IL4I1: variants seen among roughly 807,000 people sequenced by gnomAD.
The protein encoded by IL4I1 is L-amino-acid oxidase.
In IL4I1, 24 loss-of-function variants were observed where a neutral mutation model predicts 29.7. The observed-to-expected ratio is 0.81, with a 90% CI of 0.59 to 1.14. The LOEUF (loss-of-function observed/expected upper bound fraction) is 1.14, where lower values mean the gene tolerates loss of function less well. Ranked by LOEUF, IL4I1 falls within the 50% of genes most tolerant of loss-of-function variation. IL4I1 has a pLI of 0.00. For missense variants in IL4I1, 686 were observed against 785.6 expected, an observed-to-expected ratio of 0.87 and a Z score of 1.52; for synonymous variants, 371 against 352.5, an observed-to-expected ratio of 1.05 and a Z score of -0.59.
intron 2 of IL4I1, among the ~76,000 whole-genome samples, chr19:49,912,535 A>ACCCATACTGATCCAGCCC (rs2075497090): frequency 6.6e-6 from 1 of 151,652 alleles, no homozygotes; most frequent in Non-Finnish European, 1.5e-5. Context: ...TCTATTCACA[A>ACCCATACTGATCCAGCCC]TGGTGAACCC....
chr19:49,896,643 A>G (rs2075214853), intron 1 of IL4I1, among the ~76,000 whole-genome samples, 192 bp downstream of exon 1: 1 of 152,116 alleles, frequency 6.6e-6, no homozygotes, highest in Non-Finnish European at 1.5e-5. Flanking sequence ...CATGTTGGCC[A>G]GGCTGGTCTC....
chr19:49,909,158 G>T (rs752431497), intron 2 of IL4I1: 20 of 1,613,486 alleles, frequency 1.2e-5, no homozygotes, highest in Non-Finnish European at 1.7e-5. Flanking sequence ...GCTGGGCCCA[G>T]TGCTGGTGAT....
intron 1 of IL4I1, chr19:49,929,246 C>A (rs976004899): frequency 6.5e-6 from 1 of 153,524 alleles, no homozygotes; most frequent in East Asian, 1.9e-4. Flanking sequence ...ACTACAGTGT[C>A]GCCGCCTCTG....
At chr19:49,913,546 G>A (rs58302984) in intron 2 of IL4I1, among the ~76,000 whole-genome samples, 5,867 of 152,304 alleles carry the variant, frequency 0.039, 189 homozygotes, top group African/African-American at 0.083. Context: ...CCACTGCTCC[G>A]TAAGCGTTAC....
intron 3 of IL4I1, among the ~76,000 whole-genome samples, chr19:49,903,724 A>G (rs968523787): frequency 1.3e-5 from 2 of 151,760 alleles, no homozygotes; most frequent in Non-Finnish European, 2.9e-5. Flanking sequence ...CAAGCCACTC[A>G]TTACTAAAAA....
intron 2 of IL4I1, among the ~76,000 whole-genome samples, chr19:49,919,683 G>A (rs563024127): frequency 6.6e-6 from 1 of 152,240 alleles, no homozygotes; most frequent in Admixed American, 6.5e-5. Flanking sequence ...AGCTCTGGTC[G>A]CAGGACCAAC....
At chr19:49,913,556 C>T (rs1364152006) in intron 2 of IL4I1, among the ~76,000 whole-genome samples, 1 of 152,370 alleles carries the variant, frequency 6.6e-6, no homozygotes, top group South Asian at 2.1e-4. Flanking sequence ...GTAAGCGTTA[C>T]CACACGCTGT....
In IL4I1 at chr19:49,914,726, G is replaced by GTTTTTTTTTTT. The variant is rs530372497; in HGVS notation, c.-227-10416_-227-10406dup. Among the ~76,000 whole-genome samples the GTTTTTTTTTTT allele has an allele frequency of 3.2e-3, 180 of 56,394 alleles. 33 individuals carry two copies. The highest frequency in any genetic ancestry group is 4.0e-3 in the Non-Finnish European group (125 of 31,320). 37.0% of individuals were successfully genotyped at this position (56,394 alleles called of 152,430 possible). Reference sequence around the variant, plus strand: ...GATTCTTGTGCCACTCCAAGTCCCAGTTTTTTTTTTTTTTTTTTTTTTTTT... The same window carrying GTTTTTTTTTTT: ...GATTCTTGTGCCACTCCAAGTCCCAGTTTTTTTTTTTTTTTTTTTTTTTTTTTTTTTTTTTT... On this transcript the variant is annotated intron_variant, in intron 2 of 9. Transcript: ENST00000341114.
intron 5 of IL4I1, among the ~76,000 whole-genome samples, chr19:49,891,845 C>T (rs1185537564): frequency 2.6e-5 from 4 of 152,170 alleles, no homozygotes; most frequent in Non-Finnish European, 4.4e-5. Context: ...GGGTCCCAGG[C>T]GTGCTGTGTC....
At chr19:49,907,910 G>A (rs933998689) in intron 2 of IL4I1, 6 of 443,632 alleles carry the variant, frequency 1.4e-5, no homozygotes, top group East Asian at 4.8e-5. Context: ...CTGCCCCCAC[G>A]ACCCTGGCTG....
At chr19:49,915,711 T>C (rs1322638219) in intron 2 of IL4I1, among the ~76,000 whole-genome samples, 1 of 152,228 alleles carries the variant, frequency 6.6e-6, no homozygotes, top group African/African-American at 2.4e-5. Flanking sequence ...GGGGCAGGTC[T>C]GCCCTTGTGC....
rs571028548 is a variant in IL4I1, at chr19:49,891,328, C to T, written c.636+77G>A. 8 of 1,528,968 alleles carry T rather than the reference C, an allele frequency of 5.2e-6. No individual in the cohort carries two copies. In the African/African-American group the frequency reaches 1.1e-4, roughly 21 times the overall value. The allele number at this position is 1,528,968 out of a possible 1,614,324, so 94.7% of individuals were successfully genotyped here. A position where few individuals can be genotyped will look rare whatever the true frequency, so the allele number is the denominator to read the frequency against. On this transcript the variant is annotated intron_variant, in intron 6 of 7. Coordinates refer to ENST00000391826, the MANE Select transcript of IL4I1 (RefSeq NM_152899.2). ...GCAGGACTAGGGTGCCAGGTACCCG[C>T]CTTCTGACTCTCTGGGGAAGGCCTC...
chr19:49,895,029 T>A (rs769960651), intron 4 of IL4I1, 39 bp downstream of exon 4: 20 of 1,512,324 alleles, frequency 1.3e-5, no homozygotes, highest in South Asian at 1.2e-4. Context: ...GGGGGGCTAG[T>A]TGAGTCTAGG....
intron 2 of IL4I1, chr19:49,907,792 A>T (rs1299229010): frequency 9.3e-5 from 31 of 333,242 alleles, no homozygotes; most frequent in Non-Finnish European, 1.6e-4. Context: ...CGCCTTGGCC[A>T]CCCAAAGTGC....
intron 2 of IL4I1, chr19:49,908,189 T>G: frequency 1.2e-5 from 19 of 1,602,236 alleles, no homozygotes; most frequent in Non-Finnish European, 1.6e-5. Context: ...ACAGGGCGCA[T>G]TCCCCTCATG....
intron 2 of IL4I1, among the ~76,000 whole-genome samples, chr19:49,923,654 T>C (rs986837564): frequency 6.6e-6 from 1 of 152,236 alleles, no homozygotes; most frequent in African/African-American, 2.4e-5. Flanking sequence ...CATTTCCCTA[T>C]GCCAGGCCCC....
chr19:49,917,058 C>A (rs956546912), intron 2 of IL4I1, among the ~76,000 whole-genome samples: 7 of 152,248 alleles, frequency 4.6e-5, no homozygotes, highest in Non-Finnish European at 1.0e-4. Context: ...GTGGGACCTC[C>A]CCTTTCCCCA....
intron 2 of IL4I1, among the ~76,000 whole-genome samples, chr19:49,924,143 C>A (rs1243095249): frequency 6.6e-6 from 1 of 152,190 alleles, no homozygotes; most frequent in Non-Finnish European, 1.5e-5. Flanking sequence ...AGAGACTACA[C>A]CATGGGCCTC....
At position 49,903,646 on chromosome 19, in the gene IL4I1, T is replaced by G. The variant is rs111893418; in HGVS notation, c.-105+553A>C. ...GGGTTTACTGAAAACTTGGGAGCAG[T>G]GGTGTGCTGAAGCTGAGTCATACCA... On this transcript the variant is annotated intron_variant, in intron 3 of 9. Coordinates refer to the IL4I1 transcript ENST00000341114. Among the ~76,000 whole-genome samples the G allele has an allele frequency of 6.5e-3, 996 of 152,202 alleles. 16 individuals carry two copies. The highest frequency in any genetic ancestry group is 0.023 in the African/African-American group (950 of 41,502).
Sources: allele counts gnomAD v4.1 joint callset (sites outside exome capture counted in the v4.1 genomes callset), GRCh38; gene constraint gnomAD v4.1.1; transcripts MANE v1.5; gene names NCBI Gene and HGNC (gene_info 2026-07-23, HGNC 2026-07-21).